Variants in SLC13A4 observed in about 807,000 individuals in gnomAD.
SLC13A4 encodes the protein solute carrier family 13 member 4.
SLC13A4 carries 28 observed loss-of-function variants against 72.7 expected under a neutral mutation model. The observed-to-expected ratio is 0.39, with a 90% CI of 0.29 to 0.53. The LOEUF is 0.53. SLC13A4 is among the 20% of genes least tolerant of loss of function. SLC13A4 has a pLI of 0.78. For synonymous variants in SLC13A4, 312 were observed against 325.5 expected, an observed-to-expected ratio of 0.96 and a Z score of 0.45; for missense variants, 653 against 788.0, an observed-to-expected ratio of 0.83 and a Z score of 2.05.
chr7:135,685,683 T>TGTAACAC lies in SLC13A4; in HGVS notation c.1447-1_1447insGTGTTAC (p.Ser483ValfsTer38). 6.2e-7 allele frequency: 1 copy of TGTAACAC among 1,612,266 alleles called. No individual in the cohort carries two copies. The highest frequency in any genetic ancestry group is 8.5e-7 in the Non-Finnish European group (1 of 1,178,550). ...CCAATCCATGTAGAGAGGCCAGAGCTCTGTAGGAAGAGGTGTTACAGTAAG... is the reference window on the plus strand; with the variant it reads ...CCAATCCATGTAGAGAGGCCAGAGCTGTAACACCTGTAGGAAGAGGTGTTACAGTAAG... On this transcript the variant is annotated frameshift_variant and splice_region_variant. Coordinates refer to ENST00000682651, the MANE Select transcript of SLC13A4 (RefSeq NM_001318192.2). LOFTEE classifies it high-confidence loss of function.
chr7:135,681,728 G>A lies in SLC13A4; in HGVS notation c.1747-28C>T. 4 of 1,606,478 alleles carry A rather than the reference G, an allele frequency of 2.5e-6. 1 individual carries two copies. Among genetic ancestry groups the A allele is most frequent in the South Asian group, 2.2e-5 (2 of 89,998 alleles). On this transcript the variant is annotated intron_variant, in intron 15 of 15. Transcript: ENST00000682651. ...GCAGGACACAAACCAGCACACCCTA[G>A]TCACTCTGACCAGCAGCAGCACAGA...
intron 2 of SLC13A4, among the ~76,000 whole-genome samples, chr7:135,713,866 T>C (rs1796358979): frequency 6.6e-6 from 1 of 152,238 alleles, no homozygotes; most frequent in South Asian, 2.1e-4. Flanking sequence ...TGAGCCACTG[T>C]GCCCAGCCTC....
chr7:135,724,020 C>G (rs1796599442), intron 1 of SLC13A4, among the ~76,000 whole-genome samples: 1 of 152,244 alleles, frequency 6.6e-6, no homozygotes, highest in African/African-American at 2.4e-5. Flanking sequence ...TCTCATCTCT[C>G]TTCTGGGAAA....
intron 2 of SLC13A4, among the ~76,000 whole-genome samples, chr7:135,716,778 T>C (rs3110809): frequency 0.3 from 46,009 of 152,052 alleles, 7,417 homozygotes; most frequent in Admixed American, 0.38. Context: ...TCAGTTTCCT[T>C]CTCTTTAAAA....
At chr7:135,699,087 C>T (rs1484038638) in intron 8 of SLC13A4, among the ~76,000 whole-genome samples, 3 of 152,052 alleles carry the variant, frequency 2.0e-5, no homozygotes, top group Non-Finnish European at 4.4e-5. Context: ...TATACAGGTG[C>T]GTGTCACCAT....
At chr7:135,702,942 A>C in intron 5 of SLC13A4, 58 bp from the exon 6 acceptor site, 1 of 1,309,990 alleles carries the variant, frequency 7.6e-7, no homozygotes, top group Non-Finnish European at 1.1e-6. Flanking sequence ...TTGGGAGGGG[A>C]GGTCCCCCTG....
At chr7:135,720,907 C>T (rs925339049) in intron 2 of SLC13A4, among the ~76,000 whole-genome samples, 1 of 152,058 alleles carries the variant, frequency 6.6e-6, no homozygotes, top group Admixed American at 6.6e-5. Flanking sequence ...TTTTTGGAGG[C>T]GTGGATGAAA....
intron 6 of SLC13A4, 60 bp from the exon 7 acceptor site, chr7:135,701,820 A>C: frequency 6.5e-7 from 1 of 1,546,632 alleles, no homozygotes; most frequent in Non-Finnish European, 8.9e-7. Context: ...AGGTGCCTCG[A>C]GAAGGACCAC....
At chr7:135,721,998 T>C (rs879742177) in intron 1 of SLC13A4, among the ~76,000 whole-genome samples, 3 of 152,144 alleles carry the variant, frequency 2.0e-5, no homozygotes, top group Non-Finnish European at 4.4e-5. Context: ...CCCAGGACTT[T>C]GGGAGGCCAA....
Position 135,694,231 on chromosome 7 carries a change from C to G in SLC13A4, c.1027G>C (p.Glu343Gln). The G allele has an allele frequency of 6.3e-7, 1 of 1,598,794 alleles. No homozygotes were observed. The highest frequency in any genetic ancestry group is 8.6e-7 in the Non-Finnish European group (1 of 1,166,640). Residue 343 changes from glutamate (E) to glutamine (Q), a missense_variant, in exon 10 of 16, where the codon GAG becomes CAG. Glu to Gln is a conservative substitution (Grantham distance 29, BLOSUM62 2). Transcript: ENST00000682651. Reference sequence around the variant, plus strand: ...TTCTTCTTGCTCAGAGAGCAGGTCTCTTTAAAACTGAGAAGGGAGAATGAG... The same window carrying G: ...TTCTTCTTGCTCAGAGAGCAGGTCTGTTTAAAACTGAGAAGGGAGAATGAG... Reference protein sequence around the residue: ...HWLFLGCNFKETCSLSKKKKT... With the variant: ...HWLFLGCNFKQTCSLSKKKKT...
intron 15 of SLC13A4, 27 bp from the exon 16 acceptor site, chr7:135,681,727 A>C: frequency 6.2e-7 from 1 of 1,606,462 alleles, no homozygotes; most frequent in Non-Finnish European, 8.5e-7. Context: ...AGCACACCCT[A>C]GTCACTCTGA....
chr7:135,721,478 C>T lies in SLC13A4; in HGVS notation c.145G>A (p.Val49Met). ...GCTCCCAGAGGCACTGCCTCCGACA[C>T]CCAGTACACAGCAGTCACGATCAGC... ...YVLIVTAVYW[V>M]SEAVPLGAAA... Residue 49 changes from valine (V) to methionine (M), a missense_variant, in exon 2 of 16, where the codon GTG (valine) becomes ATG (methionine). By Grantham distance (21) the Val-to-Met change is conservative. Transcript: ENST00000682651. 1 of 1,614,140 alleles carries T rather than the reference C, an allele frequency of 6.2e-7. No individual in the cohort carries two copies. Among genetic ancestry groups the T allele is most frequent in the South Asian group, 1.1e-5 (1 of 91,080 alleles).
intron 8 of SLC13A4, among the ~76,000 whole-genome samples, chr7:135,696,060 G>T (rs1795898504): frequency 6.6e-6 from 1 of 152,190 alleles, no homozygotes; most frequent in East Asian, 1.9e-4. Flanking sequence ...GCAGAGCTGT[G>T]GCCCCTCAGC....
At chr7:135,717,466 A>T (rs1796456081) in intron 2 of SLC13A4, among the ~76,000 whole-genome samples, 1 of 152,258 alleles carries the variant, frequency 6.6e-6, no homozygotes, top group East Asian at 1.9e-4. Context: ...TAAATCCTCC[A>T]CAATGCCAGA....
At position 135,708,260 on chromosome 7, in the gene SLC13A4, G is replaced by A; in HGVS notation, c.229-10C>T. On this transcript the variant is annotated splice_polypyrimidine_tract_variant and intron_variant, in intron 2 of 15. Coordinates refer to ENST00000682651, the MANE Select transcript of SLC13A4 (RefSeq NM_001318192.2). ...AGTACTCCGCCGCCACCTGTAGGGA[G>A]GCCAGGCATGTCAGTCACCCTCCCG... The A allele has an allele frequency of 6.2e-7, 1 of 1,614,064 alleles. No individual in the cohort carries two copies. The highest frequency in any genetic ancestry group is 8.5e-7 in the Non-Finnish European group (1 of 1,179,956).
At chr7:135,693,576 T>G (rs567736360) in intron 10 of SLC13A4, among the ~76,000 whole-genome samples, 3 of 152,356 alleles carry the variant, frequency 2.0e-5, no homozygotes, top group Non-Finnish European at 2.9e-5. Flanking sequence ...GATTGTTTTA[T>G]GCAAAGTTGT....
intron 2 of SLC13A4, among the ~76,000 whole-genome samples, chr7:135,715,367 GTA>G (rs1202896074): frequency 3.7e-4 from 38 of 103,060 alleles, no homozygotes; most frequent in African/African-American, 1.3e-3. Flanking sequence ...GAGTGTATGT[GTA>G]TGAGTGTGTG....
intron 2 of SLC13A4, among the ~76,000 whole-genome samples, 186 bp from the exon 3 acceptor site, chr7:135,708,436 A>G (rs995640895): frequency 1.3e-5 from 2 of 152,196 alleles, no homozygotes; most frequent in African/African-American, 2.4e-5. Flanking sequence ...CTGAGCGTTC[A>G]TTGTGGGCAG....
chr7:135,684,029 A>C, intron 15 of SLC13A4, 95 bp downstream of exon 15: 1 of 1,395,898 alleles, frequency 7.2e-7, no homozygotes, highest in Non-Finnish European at 9.6e-7. Flanking sequence ...GGCCAGGGAC[A>C]CTGCTACAAA....
Sources: allele counts gnomAD v4.1 joint callset (sites outside exome capture counted in the v4.1 genomes callset), GRCh38; gene constraint gnomAD v4.1.1; transcripts MANE v1.5; gene names NCBI Gene and HGNC (gene_info 2026-07-23, HGNC 2026-07-21).